Variants in RANBP17 observed in about 807,000 individuals in gnomAD.
RANBP17 encodes the protein RAN binding protein 17.
Under a neutral mutation model 141.2 loss-of-function variants are expected in RANBP17, and 158 were observed. That is an observed-to-expected ratio of 1.12 (90% confidence interval 0.98 to 1.28). The LOEUF (loss-of-function observed/expected upper bound fraction) is 1.28, where lower values mean the gene tolerates loss of function less well. RANBP17 is among the 50% of genes most tolerant of loss of function. RANBP17 has a pLI of 0.00. For synonymous variants in RANBP17, 430 were observed against 450.0 expected (o/e 0.96, Z 0.56); for missense variants, 1,438 against 1,290.7 (o/e 1.11, Z -1.75).
intron 14 of RANBP17, among the ~76,000 whole-genome samples, chr5:170,975,383 G>T (rs1303654781): frequency 6.6e-6 from 1 of 152,056 alleles, no homozygotes; most frequent in Non-Finnish European, 1.5e-5. Flanking sequence ...ACAAAATTTA[G>T]CCAGGCGTGG....
chr5:171,072,493 A>T (rs946377572), intron 14 of RANBP17, among the ~76,000 whole-genome samples: 24 of 152,146 alleles, frequency 1.6e-4, no homozygotes, highest in African/African-American at 5.8e-4. Context: ...TACTTCTCCA[A>T]AGAAGATATA....
At chr5:170,866,519 C>T (rs1767273477) in intron 1 of RANBP17, among the ~76,000 whole-genome samples, 1 of 152,044 alleles carries the variant, frequency 6.6e-6, no homozygotes, top group South Asian at 2.1e-4. Flanking sequence ...ACTAAAAATA[C>T]ACAAAATTAG....
chr5:171,133,777 A>G (rs1757087849), intron 14 of RANBP17, among the ~76,000 whole-genome samples: 2 of 152,236 alleles, frequency 1.3e-5, no homozygotes, highest in African/African-American at 4.8e-5. Flanking sequence ...TTTCCCAAAC[A>G]TTGGAGTAGG....
rs1771380213 is a variant in RANBP17 at position 170,909,752 on chromosome 5, C to T, written c.581C>T (p.Ser194Phe). Residue 194 changes from serine (S) to phenylalanine (F), a missense_variant, in exon 6 of 28, where the codon TCT becomes TTT. Ser to Phe is a radical substitution (Grantham distance 155). Coordinates refer to ENST00000523189, the MANE Select transcript of RANBP17 (RefSeq NM_022897.5). ...AAAGACGTTTTAGTGCTAGCATGCT[C>T]TCTTTTAAAAGAGGTAAGTTATTTG... ...SLKDVLVLAC[S>F]LLKEVFAKPL... is the part of the protein sequence containing the mutation. 1 of 1,525,116 alleles carries T rather than the reference C, an allele frequency of 6.6e-7. No individual in the cohort carries two copies. Among genetic ancestry groups the T allele is most frequent in the Non-Finnish European group, 9.1e-7 (1 of 1,101,796 alleles). The allele number at this position is 1,525,116 out of a possible 1,614,324, so 94.5% of individuals were successfully genotyped here.
intron 16 of RANBP17, among the ~76,000 whole-genome samples, chr5:171,178,373 A>T (rs1378004623): frequency 6.6e-6 from 1 of 152,046 alleles, no homozygotes; most frequent in Non-Finnish European, 1.5e-5. Context: ...ATGGCTGCAT[A>T]GTATTCCATG....
intron 14 of RANBP17, among the ~76,000 whole-genome samples, chr5:171,094,685 C>G (rs1348493355): frequency 6.6e-6 from 1 of 152,070 alleles, no homozygotes; most frequent in African/African-American, 2.4e-5. Context: ...ACGTTCTCTT[C>G]GTGTAAAGGA....
At chr5:171,170,767 A>G (rs1335352616) in intron 15 of RANBP17, among the ~76,000 whole-genome samples, 1 of 152,056 alleles carries the variant, frequency 6.6e-6, no homozygotes, top group East Asian at 1.9e-4. Flanking sequence ...GACAAACAAC[A>G]CTGTCTTGAT....
intron 16 of RANBP17, among the ~76,000 whole-genome samples, chr5:171,178,836 T>C (rs917197553): frequency 1.3e-5 from 2 of 152,372 alleles, no homozygotes; most frequent in Middle Eastern, 3.4e-3. Flanking sequence ...GAAGTGTCTG[T>C]TCCTATCCGT....
chr5:170,871,568 T>C (rs1001821208), intron 1 of RANBP17, among the ~76,000 whole-genome samples: 1 of 152,206 alleles, frequency 6.6e-6, no homozygotes, highest in African/African-American at 2.4e-5. Flanking sequence ...CAACTGCTTT[T>C]GGCAATTTCG....
chr5:170,979,903 G>C (rs1463786627), intron 14 of RANBP17, among the ~76,000 whole-genome samples: 7 of 152,166 alleles, frequency 4.6e-5, no homozygotes, highest in Non-Finnish European at 1.0e-4. Flanking sequence ...GCAGAGGTTG[G>C]AACAGTTTGG....
chr5:171,153,959 G>A (rs905357823), intron 14 of RANBP17, among the ~76,000 whole-genome samples: 13 of 151,828 alleles, frequency 8.6e-5, no homozygotes, highest in African/African-American at 2.9e-4. Context: ...CCAAGGAGGC[G>A]GAGGTTGCAG....
intron 3 of RANBP17, among the ~76,000 whole-genome samples, chr5:170,883,670 T>C (rs1038168690): frequency 2.6e-5 from 4 of 152,142 alleles, no homozygotes; most frequent in African/African-American, 9.6e-5. Flanking sequence ...GAATATGATA[T>C]AGTTGGAATC....
At chr5:170,959,436 G>A (rs756751157) in intron 13 of RANBP17, among the ~76,000 whole-genome samples, 1 of 152,072 alleles carries the variant, frequency 6.6e-6, no homozygotes, top group Non-Finnish European at 1.5e-5. Flanking sequence ...TGGCCTCCTT[G>A]CTGTCCTTTG....
intron 14 of RANBP17, among the ~76,000 whole-genome samples, chr5:171,121,709 C>G (rs1756046505): frequency 6.6e-6 from 1 of 152,150 alleles, no homozygotes. Context: ...CACTGCCACT[C>G]CTGGGACCAG....
At chr5:171,153,245 C>T (rs1758616049) in intron 14 of RANBP17, among the ~76,000 whole-genome samples, 5 of 152,138 alleles carry the variant, frequency 3.3e-5, no homozygotes, top group Admixed American at 3.3e-4. Context: ...TTAATTAGAG[C>T]AGCATCTTAT....
At chr5:171,019,307 G>T (rs1780678209) in intron 14 of RANBP17, among the ~76,000 whole-genome samples, 1 of 152,128 alleles carries the variant, frequency 6.6e-6, no homozygotes, top group Admixed American at 6.5e-5. Context: ...CTTTTCAATT[G>T]TTTGGAATAG....
At chr5:171,122,125 C>T (rs1756084355) in intron 14 of RANBP17, among the ~76,000 whole-genome samples, 1 of 152,290 alleles carries the variant, frequency 6.6e-6, no homozygotes, top group Non-Finnish European at 1.5e-5. Flanking sequence ...AGATCCAGTC[C>T]ACACAGGGAC....
chr5:171,259,821 A>T (rs138028932), intron 24 of RANBP17, among the ~76,000 whole-genome samples: 1 of 151,510 alleles, frequency 6.6e-6, no homozygotes, highest in Non-Finnish European at 1.5e-5. Context: ...TCTCTACTAA[A>T]AGTACAGAAA....
At chr5:171,108,159 T>C (rs916070305) in intron 14 of RANBP17, among the ~76,000 whole-genome samples, 3 of 152,248 alleles carry the variant, frequency 2.0e-5, no homozygotes, top group Non-Finnish European at 4.4e-5. Context: ...TTTTGTTTTT[T>C]GCTTTTGGAA....
Sources: allele counts gnomAD v4.1 joint callset (sites outside exome capture counted in the v4.1 genomes callset), GRCh38; gene constraint gnomAD v4.1.1; transcripts MANE v1.5; gene names NCBI Gene and HGNC (gene_info 2026-07-23, HGNC 2026-07-21).